Variants in EML6 observed in about 807,000 individuals in gnomAD.
EML6 encodes echinoderm microtubule-associated protein-like 6.
Under a neutral mutation model 240.1 loss-of-function variants are expected in EML6, and 154 were observed. The ratio of observed to expected loss-of-function variants is 0.64; its 90% CI spans 0.56 to 0.73. The LOEUF is 0.73. EML6 is among the 30% of genes least tolerant of loss of function. The pLI, the probability that EML6 is intolerant of heterozygous loss-of-function variation, is 0.00. For synonymous variants in EML6, 1,148 were observed against 899.0 expected, an observed-to-expected ratio of 1.28 and a Z score of -4.95; for missense variants, 2,964 against 2,474.6, an observed-to-expected ratio of 1.20 and a Z score of -4.20.
At chr2:54,950,824 T>G (rs1454428497) in intron 30 of EML6, 45 bp downstream of exon 30, 2 of 1,533,216 alleles carry the variant, frequency 1.3e-6, no homozygotes, top group Non-Finnish European at 1.8e-6. Context: ...TAGCTGTTTT[T>G]TACATGCTTT....
chr2:54,822,808 T>C (rs1668392723), intron 5 of EML6, among the ~76,000 whole-genome samples: 1 of 152,204 alleles, frequency 6.6e-6, no homozygotes, highest in Non-Finnish European at 1.5e-5. Flanking sequence ...AAAATTATTT[T>C]ACAACAATAT....
In EML6 at chr2:54,899,621, C is replaced by A. The variant is rs565551728; in HGVS notation, c.2983-20C>A. ...AACAGCATAAGTAGAGTTTATGTTG[C>A]CCCTTTTCCTCTCCCACAGGGGCAC... On this transcript the variant is annotated intron_variant, in intron 21 of 41. Coordinates refer to ENST00000356458, the MANE Select transcript of EML6 (RefSeq NM_001039753.4). 1 of 1,550,580 alleles carries A rather than the reference C, an allele frequency of 6.4e-7. No homozygotes were observed. The highest frequency in any genetic ancestry group is 8.7e-7 in the Non-Finnish European group (1 of 1,146,476).
chr2:54,847,419 G>C, intron 8 of EML6, 67 bp from the exon 9 acceptor site: 1 of 1,514,392 alleles, frequency 6.6e-7, no homozygotes, highest in Non-Finnish European at 8.9e-7. Context: ...AGCCCTTCTT[G>C]CCTTGGGCTG....
chr2:54,724,937 G>A lies in EML6; in HGVS notation c.-125G>A. ...GGCCGGCCCGCTGGGCTGTGCCTGT[G>A]TGTCGCCGCGGAAATCAGCGCCCTG... On this transcript the variant is annotated 5_prime_UTR_variant, in exon 2 of 42. In the 5' UTR this introduces an upstream ATG that the reference lacks. Coordinates refer to ENST00000356458, the MANE Select transcript of EML6 (RefSeq NM_001039753.4). This position sits in a 1 kb window ranked among gnomAD's most constrained non-coding sequence, Gnocchi z 5.2. 1 of 728,976 alleles carries A rather than the reference G, an allele frequency of 1.4e-6. No homozygotes were observed. The highest frequency in any genetic ancestry group is 1.8e-6 in the Non-Finnish European group (1 of 540,588). 45.2% of individuals were successfully genotyped at this position (728,976 alleles called of 1,614,324 possible).
At position 54,847,564 on chromosome 2, in the gene EML6, C is replaced by G. The variant is rs761561463; in HGVS notation, c.1128C>G (p.Pro376=). 15 of 1,552,276 alleles carry G rather than the reference C, an allele frequency of 9.7e-6. No homozygotes were observed. In the African/African-American group the frequency reaches 1.9e-4, roughly 20 times the overall value. Residue 376 remains proline (P), a synonymous_variant, in exon 9 of 42, where the codon CCC becomes CCG. Transcript: ENST00000356458. ...CGGTTCGCAGTGTAGCTTTCAGCCC[C>G]GACGGATCTCAGCTGGCCCTGGGCA... The part of the protein sequence containing the change: ...EEAVRSVAFS[P]DGSQLALGMK...
intron 11 of EML6, among the ~76,000 whole-genome samples, chr2:54,856,937 C>G (rs138421548): frequency 1.3e-5 from 2 of 152,060 alleles, no homozygotes; most frequent in African/African-American, 4.8e-5. Context: ...GGAAGAGATA[C>G]AGAAAGGTTG....
chr2:54,963,889 G>C, intron 36 of EML6, 97 bp from the exon 37 acceptor site: 1 of 1,151,232 alleles, frequency 8.7e-7, no homozygotes, highest in Non-Finnish European at 1.2e-6. Context: ...CAGTGGCTGC[G>C]AGGGCAGCCT....
intron 28 of EML6, among the ~76,000 whole-genome samples, chr2:54,939,100 G>T (rs1236132784): frequency 6.6e-6 from 1 of 152,228 alleles, no homozygotes; most frequent in East Asian, 1.9e-4. Context: ...TTAACAACAA[G>T]ATTTAGATTC....
chr2:54,899,877 G>A, intron 22 of EML6, 95 bp downstream of exon 22: 6 of 1,188,368 alleles, frequency 5.0e-6, no homozygotes, highest in South Asian at 1.6e-5. Flanking sequence ...GAGGGCACGT[G>A]TTATATGCCC....
chr2:54,835,308 C>T (rs979152166), intron 7 of EML6, among the ~76,000 whole-genome samples: 10 of 152,138 alleles, frequency 6.6e-5, no homozygotes, highest in African/African-American at 2.4e-4. Flanking sequence ...TCACTGATGC[C>T]TCCCACCCAC....
chr2:54,853,542 T>A (rs2103774550), intron 10 of EML6, 101 bp from the exon 11 acceptor site: 1 of 787,508 alleles, frequency 1.3e-6, no homozygotes, highest in East Asian at 2.9e-5. Flanking sequence ...TATGTAGTTT[T>A]CTGTATTTAC....
chr2:54,798,459 G>C (rs1034272918), intron 2 of EML6, among the ~76,000 whole-genome samples: 1 of 151,990 alleles, frequency 6.6e-6, no homozygotes, highest in Non-Finnish European at 1.5e-5. Flanking sequence ...AGGCGTGAGC[G>C]ACCACACCCG....
Position 54,954,021 on chromosome 2 carries a change from A to G in EML6, c.4351A>G (p.Lys1451Glu), listed in dbSNP as rs1676113243. The change falls in exon 32 of 42, where the codon AAA (lysine) becomes GAA (glutamate). Residue 1451 changes from lysine to glutamate, a missense_variant. By Grantham distance (56) the Lys-to-Glu change is moderately conservative. Coordinates refer to ENST00000356458, the MANE Select transcript of EML6 (RefSeq NM_001039753.4). ...CATCCACATATGGGACGCCATGACC[A>G]AACACACCCTCTCCATGCTGCGGTG... Reference protein sequence around the residue: ...PSIHIWDAMTKHTLSMLRCFH... With the variant: ...PSIHIWDAMTEHTLSMLRCFH... 1 of 1,551,750 alleles carries G rather than the reference A, an allele frequency of 6.4e-7. No individual in the cohort carries two copies. The highest frequency in any genetic ancestry group is 2.0e-5 in the Admixed American group (1 of 50,970).
Position 54,822,754 on chromosome 2 carries a change from G to C in EML6, c.525+2292G>C, listed in dbSNP as rs568750545. ...CCAAATGTTAAGCAGTTATCTCTGG[G>C]TAATGGGTTGATGGATAATTTTATC... On this transcript the variant is annotated intron_variant, in intron 5 of 41. Transcript: ENST00000356458. 2.6e-5 allele frequency among the ~76,000 whole-genome samples: 4 copies of C among 152,184 alleles called. No homozygotes were observed. The South Asian group carries it at 8.3e-4, about 32-fold the overall frequency.
Position 54,952,642 on chromosome 2 carries a change from C to G in EML6, c.4262C>G (p.Thr1421Arg). 6.4e-7 allele frequency: 1 copy of G among 1,551,448 alleles called. No individual in the cohort carries two copies. Among genetic ancestry groups the G allele is most frequent in the Non-Finnish European group, 8.7e-7 (1 of 1,146,918 alleles). The stretch of plus-strand genomic sequence containing the variant: ...CACACAGATGACATCCTCTGTCTCA[C>G]AGTGAACCAGCACCCCAAGTACAGA... ...LEHTDDILCLTVNQHPKYRNV... is the reference protein window; with the variant it reads ...LEHTDDILCLRVNQHPKYRNV... Residue 1421 changes from threonine (T) to arginine (R), a missense_variant, in exon 31 of 42, where the codon ACA becomes AGA. By Grantham distance (71) the Thr-to-Arg change is moderately conservative (BLOSUM62 -1). Coordinates refer to ENST00000356458, the MANE Select transcript of EML6 (RefSeq NM_001039753.4).
At position 54,892,596 on chromosome 2, in the gene EML6, A is replaced by G. The variant is rs774247206; in HGVS notation, c.2682A>G (p.Leu894=). Residue 894 remains leucine (L), a synonymous_variant, in exon 19 of 42, where the codon CTA becomes CTG. Transcript: ENST00000356458. Reference sequence around the variant, plus strand: ...ATATTTTTATTTGGAAAGACATTCTACTACTGAAGACAGTGAAAGCTCATG... The same window carrying G: ...ATATTTTTATTTGGAAAGACATTCTGCTACTGAAGACAGTGAAAGCTCATG... ...TGDIFIWKDI[L]LLKTVKAHDG... The G allele has an allele frequency of 1.9e-5, 30 of 1,551,692 alleles. No individual in the cohort carries two copies. The highest frequency in any genetic ancestry group is 1.4e-4 in the African/African-American group (10 of 73,044).
rs1035526100 is a variant in EML6 at position 54,725,467 on chromosome 2, T to G, written c.197+209T>G. On this transcript the variant is annotated intron_variant, in intron 2 of 41. Transcript: ENST00000356458. This position sits in a 1 kb window ranked among gnomAD's most constrained non-coding sequence, Gnocchi z 4.3. ...TGAGGAGGGAGAGATGTCTTTTCGC[T>G]GTATCCCTCCGGAATTCTGGCTTTT... 6.6e-6 allele frequency among the ~76,000 whole-genome samples: 1 copy of G among 152,124 alleles called. No homozygotes were observed. The highest frequency in any genetic ancestry group is 2.4e-5 in the African/African-American group (1 of 41,400).
At chr2:54,861,635 C>G (rs1033890185) in intron 12 of EML6, among the ~76,000 whole-genome samples, 8 of 152,136 alleles carry the variant, frequency 5.3e-5, no homozygotes, top group Admixed American at 3.3e-4. Flanking sequence ...ATCTTAAGCT[C>G]TAGGGGCCAC....
At position 54,959,276 on chromosome 2, in the gene EML6, C is replaced by G. The variant is rs902487384; in HGVS notation, c.4853+15C>G. 3 of 1,505,108 alleles carry G rather than the reference C, an allele frequency of 2.0e-6. No individual in the cohort carries two copies. The South Asian group carries it at 3.9e-5, about 19-fold the overall frequency. 93.2% of individuals were successfully genotyped at this position (1,505,108 alleles called of 1,614,324 possible). The stretch of plus-strand genomic sequence containing the variant: ...AAAGAGAGGCCGTAAGCCAAAGCTC[C>G]TATGGAAACAACTTGTCGTTTGTTG... On this transcript the variant is annotated intron_variant, in intron 34 of 41. Transcript: ENST00000356458.
Sources: allele counts gnomAD v4.1 joint callset (sites outside exome capture counted in the v4.1 genomes callset), GRCh38; gene constraint gnomAD v4.1.1; non-coding constraint Gnocchi (gnomAD v3.1); transcripts MANE v1.5; gene names NCBI Gene and HGNC (gene_info 2026-07-23, HGNC 2026-07-21).